The following BTD variants were observed in gnomAD, a reference collection of about 807,000 sequenced individuals.
The protein encoded by BTD is biocytinase.
In BTD, 13 loss-of-function variants were observed where a neutral mutation model predicts 17.7. That is an observed-to-expected ratio of 0.74 (90% CI 0.48 to 1.17). The LOEUF (loss-of-function observed/expected upper bound fraction) is 1.17, where lower values mean the gene tolerates loss of function less well. Ranked by LOEUF, BTD falls within the 50% of genes most tolerant of loss-of-function variation. The pLI is 0.00. For synonymous variants in BTD, 240 were observed against 245.2 expected (o/e 0.98, Z 0.20); for missense variants, 674 against 650.4 (o/e 1.04, Z -0.39).
chr3:15,708,791 A>T (rs907220059), intron 3 of BTD, among the ~76,000 whole-genome samples: 1 of 152,034 alleles, frequency 6.6e-6, no homozygotes, highest in Non-Finnish European at 1.5e-5. Flanking sequence ...TCTTCTATTC[A>T]TTTCTGATTT....
chr3:15,673,789 A>G (rs1205268152), intron 3 of BTD, among the ~76,000 whole-genome samples: 1 of 152,138 alleles, frequency 6.6e-6, no homozygotes, highest in Non-Finnish European at 1.5e-5. Flanking sequence ...TAACCCTGCT[A>G]TGGAGGGGCT....
chr3:15,718,056 A>C (rs546947700), intron 4 of BTD, among the ~76,000 whole-genome samples: 1 of 152,180 alleles, frequency 6.6e-6, no homozygotes, highest in Non-Finnish European at 1.5e-5. Context: ...GTGTCCCCAT[A>C]GTCAATCAAT....
At chr3:15,659,663 A>G (rs1156353728) in intron 3 of BTD, among the ~76,000 whole-genome samples, 2 of 152,200 alleles carry the variant, frequency 1.3e-5, no homozygotes, top group Admixed American at 1.3e-4. Context: ...AACGACTTCT[A>G]TTCACTCTAA....
chr3:15,698,270 C>A (rs6784108), intron 3 of BTD, among the ~76,000 whole-genome samples: 25,622 of 152,056 alleles, frequency 0.17, 2,761 homozygotes, highest in Non-Finnish European at 0.23. Flanking sequence ...ATGACAAACC[C>A]ACAGCCAATA....
At chr3:15,672,964 C>T (rs879666217) in intron 3 of BTD, among the ~76,000 whole-genome samples, 7 of 152,100 alleles carry the variant, frequency 4.6e-5, no homozygotes, top group Non-Finnish European at 8.8e-5. Flanking sequence ...TTAGTAGAGA[C>T]GGGGTTTTGC....
intron 2 of BTD, among the ~76,000 whole-genome samples, chr3:15,638,001 C>T (rs115727906): frequency 0.011 from 1,610 of 152,266 alleles, 14 homozygotes; most frequent in Middle Eastern, 0.031. Flanking sequence ...AGCTCCCATA[C>T]GTGGTTATAT....
At chr3:15,669,993 A>G (rs887664430) in intron 3 of BTD, 19 of 374,730 alleles carry the variant, frequency 5.1e-5, no homozygotes, top group South Asian at 2.7e-4. Flanking sequence ...AGTGTCCCCA[A>G]TTGTTCCTGG....
Position 15,645,552 on chromosome 3 carries a change from G to A in BTD, c.*64G>A. 2 of 1,573,206 alleles carry A rather than the reference G, an allele frequency of 1.3e-6. No individual in the cohort carries two copies. Among genetic ancestry groups the A allele is most frequent in the Non-Finnish European group, 1.7e-6 (2 of 1,160,172 alleles). ...TGTTGACAGCCTTGCACTTCCACAG[G>A]CTACAAGCCCTGGGACCATCTTTCT... On this transcript the variant is annotated 3_prime_UTR_variant, in exon 4 of 4. Transcript: ENST00000643237.
In BTD at chr3:15,647,898, A is replaced by AG. The variant is rs1322909706; in HGVS notation, c.*2412dup. Reference sequence around the variant, plus strand: ...GGATTTAAAAGCCCTGTTCTTAGAGAGGAAAAAACCAGGCCTCCTCACAGA... The same window carrying AG: ...GGATTTAAAAGCCCTGTTCTTAGAGAGGGAAAAAACCAGGCCTCCTCACAGA... On this transcript the variant is annotated 3_prime_UTR_variant, in exon 4 of 4. Coordinates refer to ENST00000643237, the MANE Select transcript of BTD (RefSeq NM_001370658.1). 6.6e-6 allele frequency among the ~76,000 whole-genome samples: 1 copy of AG among 152,142 alleles called. No individual in the cohort carries two copies. Among genetic ancestry groups the AG allele is most frequent in the Non-Finnish European group, 1.5e-5 (1 of 68,020 alleles).
intron 1 of BTD, among the ~76,000 whole-genome samples, chr3:15,608,422 C>T (rs539220962): frequency 5.9e-4 from 89 of 152,116 alleles, no homozygotes; most frequent in Non-Finnish European, 1.1e-3. Context: ...GAAATAGTGA[C>T]AACTGTATGT....
intron 3 of BTD, chr3:15,696,174 T>G: frequency 6.3e-7 from 1 of 1,593,692 alleles, no homozygotes; most frequent in Non-Finnish European, 8.6e-7. Context: ...AGCTGAATAA[T>G]GAACTGCGTT....
intron 1 of BTD, chr3:15,606,413 A>C (rs2064455769): frequency 1.3e-5 from 2 of 152,230 alleles, no homozygotes; most frequent in Admixed American, 6.5e-5. Flanking sequence ...TCACCAAAGT[A>C]ATACTGTTGA....
chr3:15,702,401 A>G (rs1486885723), intron 3 of BTD, among the ~76,000 whole-genome samples: 1 of 152,194 alleles, frequency 6.6e-6, no homozygotes, highest in Non-Finnish European at 1.5e-5. Flanking sequence ...ACATTAACAC[A>G]TGTTCATTTT....
In BTD at chr3:15,677,011, T is replaced by C. The variant is rs1206843228; in HGVS notation, c.400-33049T>C. On this transcript the variant is annotated intron_variant, in intron 3 of 3. Transcript: ENST00000672141. ...GCGTTGGTTGCATTGATGAGGTTTC[T>C]ATCTGTTATCTTTTCCAGTATTAAC... The C allele has an allele frequency of 2.9e-5, 47 of 1,613,348 alleles. No homozygotes were observed. The highest frequency in any genetic ancestry group is 3.7e-5 in the Non-Finnish European group (44 of 1,179,614).
chr3:15,678,712 AG>A (rs1197703007), intron 3 of BTD, among the ~76,000 whole-genome samples: 4 of 152,230 alleles, frequency 2.6e-5, no homozygotes, highest in Non-Finnish European at 5.9e-5. Flanking sequence ...ATTCCCATTT[AG>A]AAAACTGTTA....
chr3:15,621,370 T>C (rs1237346552), intron 1 of BTD, among the ~76,000 whole-genome samples: 2 of 152,256 alleles, frequency 1.3e-5, no homozygotes, highest in Non-Finnish European at 2.9e-5. Context: ...AGTTAAGAAG[T>C]ATTCCCTCTG....
chr3:15,601,884 G>T lies in BTD; in HGVS notation c.-27G>T, dbSNP rs1348745452. The T allele has an allele frequency of 6.2e-7, 1 of 1,613,964 alleles. No individual in the cohort carries two copies. Among genetic ancestry groups the T allele is most frequent in the African/African-American group, 1.3e-5 (1 of 74,930 alleles). ...TGCGCATATTCAGGGCGGAAGGCGC[G>T]CTAAGAGCAGGTACGGAGGGGGCGT... On this transcript the variant is annotated 5_prime_UTR_variant, in exon 1 of 4. Coordinates refer to ENST00000643237, the MANE Select transcript of BTD (RefSeq NM_001370658.1).
upstream of BTD, chr3:15,601,578 G>A (rs2064244667): frequency 8.2e-6 from 13 of 1,594,760 alleles, no homozygotes; most frequent in Non-Finnish European, 1.1e-5. Flanking sequence ...CTGACGGACA[G>A]GAGGGCAACC....
At chr3:15,655,989 G>A (rs1292819667), downstream of BTD, among the ~76,000 whole-genome samples, 2 of 152,092 alleles carry the variant, frequency 1.3e-5, no homozygotes, top group Non-Finnish European at 2.9e-5. Context: ...TTTTAGTAGA[G>A]ACAAGGTTTC....
Sources: allele counts gnomAD v4.1 joint callset (sites outside exome capture counted in the v4.1 genomes callset), GRCh38; gene constraint gnomAD v4.1.1; transcripts MANE v1.5; gene names NCBI Gene and HGNC (gene_info 2026-07-23, HGNC 2026-07-21).